Variants in CNTN5 observed in about 807,000 individuals in gnomAD.
CNTN5 encodes the protein contactin 5.
Under a neutral mutation model 129.1 loss-of-function variants are expected in CNTN5, and 77 were observed. The observed-to-expected ratio is 0.60, with a 90% CI of 0.50 to 0.72. The LOEUF is 0.72. Ranked by LOEUF, CNTN5 falls within the 30% of genes least tolerant of loss-of-function variation. CNTN5 has a pLI of 0.00. For synonymous variants in CNTN5, 509 were observed against 465.6 expected, an observed-to-expected ratio of 1.09 and a Z score of -1.20; for missense variants, 1,478 against 1,328.8, an observed-to-expected ratio of 1.11 and a Z score of -1.75.
intron 13 of CNTN5, among the ~76,000 whole-genome samples, chr11:100,174,175 A>G (rs1947897934): frequency 6.6e-6 from 1 of 152,126 alleles, no homozygotes; most frequent in South Asian, 2.1e-4. Context: ...TACCCACTGC[A>G]TTTAGACTCT....
chr11:99,298,475 G>A (rs1864483966), intron 1 of CNTN5, among the ~76,000 whole-genome samples: 1 of 152,154 alleles, frequency 6.6e-6, no homozygotes, highest in Admixed American at 6.5e-5. Flanking sequence ...GTTAACAGGT[G>A]CATACTATTA....
chr11:99,133,304 A>G (rs906360725), intron 1 of CNTN5, among the ~76,000 whole-genome samples: 2 of 152,162 alleles, frequency 1.3e-5, no homozygotes, highest in African/African-American at 4.8e-5. Context: ...TTAAAACCCT[A>G]GAAGAAATTT....
chr11:99,930,192 C>T (rs536414900), intron 7 of CNTN5, among the ~76,000 whole-genome samples: 2 of 152,214 alleles, frequency 1.3e-5, no homozygotes, highest in South Asian at 4.1e-4. Context: ...GCCAATCTAG[C>T]TCCCCCAGAG....
At chr11:99,260,615 CA>C (rs1335748602) in intron 1 of CNTN5, among the ~76,000 whole-genome samples, 1 of 151,866 alleles carries the variant, frequency 6.6e-6, no homozygotes, top group Non-Finnish European at 1.5e-5. Context: ...AAACTACACA[CA>C]ACTAAAAATT....
At chr11:99,497,338 A>C (rs1260111563) in intron 2 of CNTN5, among the ~76,000 whole-genome samples, 1 of 152,196 alleles carries the variant, frequency 6.6e-6, no homozygotes, top group African/African-American at 2.4e-5. Context: ...ACTAGTCAGA[A>C]GCCATTTGTG....
At position 99,039,270 on chromosome 11, in the gene CNTN5, C is replaced by T. The variant is rs533204929; in HGVS notation, c.-210+18000C>T. ...ACTTCTCAGCTTTTCAGATCATTGGCTATATTTAAGAATGGGAGCAGACTA... is the reference window on the plus strand; with the variant it reads ...ACTTCTCAGCTTTTCAGATCATTGGTTATATTTAAGAATGGGAGCAGACTA... On this transcript the variant is annotated intron_variant, in intron 1 of 24. Coordinates refer to ENST00000524871, the MANE Select transcript of CNTN5 (RefSeq NM_014361.4). Among the ~76,000 whole-genome samples the T allele has an allele frequency of 2.6e-5, 4 of 152,238 alleles. No individual in the cohort carries two copies. In the South Asian group the frequency reaches 8.3e-4, roughly 32 times the overall value.
At chr11:99,128,375 C>A (rs1409723509) in intron 1 of CNTN5, among the ~76,000 whole-genome samples, 4 of 152,222 alleles carry the variant, frequency 2.6e-5, no homozygotes, top group Admixed American at 2.0e-4. Context: ...TGTGGCAGAT[C>A]ACGGCCAGAC....
At chr11:99,263,833 A>G (rs945281544) in intron 1 of CNTN5, among the ~76,000 whole-genome samples, 1 of 151,880 alleles carries the variant, frequency 6.6e-6, no homozygotes, top group Admixed American at 6.6e-5. Context: ...TATTACCCTG[A>G]TTAAAGATTA....
intron 1 of CNTN5, among the ~76,000 whole-genome samples, chr11:99,248,581 T>C (rs1328552604): frequency 6.6e-6 from 1 of 152,168 alleles, no homozygotes; most frequent in African/African-American, 2.4e-5. Flanking sequence ...TCTTCTAGGA[T>C]TTTTATGGTT....
intron 2 of CNTN5, among the ~76,000 whole-genome samples, chr11:99,401,715 A>T (rs1941818891): frequency 1.3e-5 from 2 of 152,132 alleles, no homozygotes; most frequent in South Asian, 4.1e-4. Context: ...ATCCGTGAAC[A>T]TGAGCTATAT....
At chr11:100,187,371 C>G (rs1948329737) in intron 13 of CNTN5, among the ~76,000 whole-genome samples, 1 of 150,608 alleles carries the variant, frequency 6.6e-6, no homozygotes, top group Non-Finnish European at 1.5e-5. Flanking sequence ...CTTCCCAAAA[C>G]AATCTACAAT....
At chr11:100,103,705 C>T (rs1945310141) in intron 13 of CNTN5, among the ~76,000 whole-genome samples, 1 of 152,132 alleles carries the variant, frequency 6.6e-6, no homozygotes, top group Non-Finnish European at 1.5e-5. Flanking sequence ...AGAATCTATT[C>T]TAATTACTTA....
chr11:99,882,216 A>G (rs1948789097), intron 6 of CNTN5, among the ~76,000 whole-genome samples: 1 of 152,212 alleles, frequency 6.6e-6, no homozygotes, highest in Non-Finnish European at 1.5e-5. Context: ...TATTTTATAT[A>G]TGAGTTTTCA....
chr11:99,150,136 G>A (rs1161132242), intron 1 of CNTN5, among the ~76,000 whole-genome samples: 1 of 151,888 alleles, frequency 6.6e-6, no homozygotes, highest in Non-Finnish European at 1.5e-5. Flanking sequence ...TTTTCCTTTG[G>A]TGACAATTTA....
At position 99,090,220 on chromosome 11, in the gene CNTN5, A is replaced by G. The variant is rs17132967; in HGVS notation, c.-210+68950A>G. Among the ~76,000 whole-genome samples, 942 of 152,232 alleles carry G rather than the reference A, an allele frequency of 6.2e-3. 12 individuals carry two copies. Among genetic ancestry groups the G allele is most frequent in the African/African-American group, 0.022 (913 of 41,526 alleles). On this transcript the variant is annotated intron_variant, in intron 1 of 24. Transcript: ENST00000524871. Reference sequence around the variant, plus strand: ...ACGGGGATATTCATTGACATCAAGAACCACTTATGTTTTTTAATGCGAATT... The same window carrying G: ...ACGGGGATATTCATTGACATCAAGAGCCACTTATGTTTTTTAATGCGAATT...
At chr11:99,649,413 T>A (rs1282537432) in intron 3 of CNTN5, among the ~76,000 whole-genome samples, 3 of 151,778 alleles carry the variant, frequency 2.0e-5, no homozygotes, top group Admixed American at 1.3e-4. Flanking sequence ...AAATTCAGAA[T>A]TTATTGGCTA....
At chr11:100,282,012 T>C (rs1418037986) in intron 18 of CNTN5, among the ~76,000 whole-genome samples, 2 of 151,824 alleles carry the variant, frequency 1.3e-5, no homozygotes, top group African/African-American at 2.4e-5. Flanking sequence ...TTTTTTTTTT[T>C]TTTACTTTCC....
intron 7 of CNTN5, among the ~76,000 whole-genome samples, chr11:99,935,560 G>A (rs907807718): frequency 6.6e-6 from 1 of 151,276 alleles, no homozygotes; most frequent in African/African-American, 2.4e-5. Context: ...ATAGAGAACC[G>A]TGTGTGTGTG....
chr11:100,254,409 TTA>T (rs1317783241), intron 16 of CNTN5, among the ~76,000 whole-genome samples: 1 of 152,200 alleles, frequency 6.6e-6, no homozygotes, highest in Non-Finnish European at 1.5e-5. Flanking sequence ...AAAACTTTAA[TTA>T]TTTTGCTTCC....
Sources: allele counts gnomAD v4.1 joint callset (sites outside exome capture counted in the v4.1 genomes callset), GRCh38; gene constraint gnomAD v4.1.1; transcripts MANE v1.5; gene names NCBI Gene and HGNC (gene_info 2026-07-23, HGNC 2026-07-21).